Variants in ZNF521 observed in about 807,000 individuals in gnomAD.
ZNF521 encodes zinc finger protein 521.
ZNF521 carries 14 observed loss-of-function variants against 105.5 expected under a neutral mutation model. The ratio of observed to expected loss-of-function variants is 0.13; its 90% CI spans 0.09 to 0.21. The LOEUF (loss-of-function observed/expected upper bound fraction) is 0.21, where lower values mean the gene tolerates loss of function less well. Ranked by LOEUF, ZNF521 falls within the 10% of genes least tolerant of loss-of-function variation. ZNF521 has a pLI of 1.00. For missense variants in ZNF521, 1,233 were observed against 1,629.7 expected, an observed-to-expected ratio of 0.76 and a Z score of 4.19; for synonymous variants, 635 against 606.0, an observed-to-expected ratio of 1.05 and a Z score of -0.70.
intron 5 of ZNF521, among the ~76,000 whole-genome samples, chr18:25,111,544 T>G (rs1438244125): frequency 2.0e-5 from 3 of 152,234 alleles, no homozygotes; most frequent in African/African-American, 7.2e-5. Flanking sequence ...TTACCCTCTT[T>G]GCCAACTGCT....
intron 7 of ZNF521, among the ~76,000 whole-genome samples, chr18:25,071,987 G>GGGGCAGA (rs936580704): frequency 1.3e-5 from 2 of 152,312 alleles, no homozygotes; most frequent in South Asian, 2.1e-4. Flanking sequence ...CAGAAGGCAG[G>GGGGCAGA]GGGCAGAGGG....
chr18:25,281,446 G>T (rs998803905), intron 3 of ZNF521, among the ~76,000 whole-genome samples: 4 of 152,160 alleles, frequency 2.6e-5, no homozygotes, highest in African/African-American at 7.2e-5. Flanking sequence ...CAAGAAGTTT[G>T]TTCCATAGAA....
At chr18:25,178,567 C>T (rs2035573604) in intron 5 of ZNF521, among the ~76,000 whole-genome samples, 1 of 152,136 alleles carries the variant, frequency 6.6e-6, no homozygotes. Context: ...TTGCCTATTT[C>T]CCACCATTTC....
chr18:25,182,697 C>T lies in ZNF521; in HGVS notation c.3658+12463G>A, dbSNP rs186626277. Among the ~76,000 whole-genome samples, 25 of 152,192 alleles carry T rather than the reference C, an allele frequency of 1.6e-4. No individual in the cohort carries two copies. The East Asian group carries it at 4.6e-3, about 28-fold the overall frequency. ...CAAATAGCAAATAAGATCAGCAAGC[C>T]GTGTTTTACAGATGAGATGTGTCTC... On this transcript the variant is annotated intron_variant, in intron 5 of 7. Transcript: ENST00000361524.
Position 25,227,536 on chromosome 18 carries a change from T to A in ZNF521, c.382A>T (p.Ser128Cys). ...TGGTGCTTTAGGTAGCTGAGGCGGC[T>A]AAACGACTTGTCACAGAATTGACAC... ...YPCQFCDKSF[S>C]RLSYLKHHEQ... The change falls in exon 4 of 8, where the codon AGC (serine) becomes TGC (cysteine). Residue 128 changes from serine (S) to cysteine (C), a missense_variant. This residue lies in a region of ZNF521 where 85 missense variants were observed against 162.2 expected (regional missense o/e 0.52). Transcript: ENST00000361524. The surrounding 1 kb of genome is among the most constrained non-coding windows in gnomAD (Gnocchi z 5.7). 1 of 1,614,168 alleles carries A rather than the reference T, an allele frequency of 6.2e-7. No individual in the cohort carries two copies. The highest frequency in any genetic ancestry group is 1.1e-5 in the South Asian group (1 of 91,082).
chr18:25,197,550 C>A (rs1384388763), intron 4 of ZNF521, among the ~76,000 whole-genome samples: 1 of 151,822 alleles, frequency 6.6e-6, no homozygotes, highest in Non-Finnish European at 1.5e-5. Flanking sequence ...TGTACACCAT[C>A]TTTAAGTAAA....
intron 3 of ZNF521, among the ~76,000 whole-genome samples, chr18:25,308,758 T>A (rs910961183): frequency 4.6e-5 from 7 of 151,362 alleles, no homozygotes; most frequent in Non-Finnish European, 1.0e-4. Flanking sequence ...TCTTAGTAGA[T>A]GTTTATTGAA....
chr18:25,177,741 TG>T (rs1439552435), intron 5 of ZNF521, among the ~76,000 whole-genome samples: 1 of 152,324 alleles, frequency 6.6e-6, no homozygotes, highest in East Asian at 1.9e-4. Context: ...CAGCTCCAAT[TG>T]CAAGAACACT....
chr18:25,130,634 A>C (rs112745880), intron 5 of ZNF521, among the ~76,000 whole-genome samples: 27 of 152,200 alleles, frequency 1.8e-4, no homozygotes, highest in African/African-American at 5.3e-4. Flanking sequence ...CTGCTTTAAG[A>C]AAGTTTATTC....
Position 25,339,736 on chromosome 18 carries a change from G to A in ZNF521, c.40+11171C>T, listed in dbSNP as rs577028557. ...AGGGACACCAAACTGTTCTCAAAAG[G>A]CTTATAGAGAAACCAGGAAATGAAG... On this transcript the variant is annotated intron_variant, in intron 2 of 7. Transcript: ENST00000361524. Among the ~76,000 whole-genome samples, 83 of 152,270 alleles carry A rather than the reference G, an allele frequency of 5.5e-4. 1 individual carries two copies. The highest frequency in any genetic ancestry group is 3.4e-3 in the Middle Eastern group (1 of 294).
At chr18:25,349,646 G>A (rs1914623651) in intron 2 of ZNF521, among the ~76,000 whole-genome samples, 1 of 151,966 alleles carries the variant, frequency 6.6e-6, no homozygotes, top group East Asian at 2.0e-4. Flanking sequence ...CCTTTTCCCC[G>A]GGCCGGCGGC....
At chr18:25,067,592 A>G (rs1181229539) in intron 7 of ZNF521, among the ~76,000 whole-genome samples, 1 of 152,220 alleles carries the variant, frequency 6.6e-6, no homozygotes, top group Non-Finnish European at 1.5e-5. Flanking sequence ...TTAAGTAAAA[A>G]TAAAAATCCA....
chr18:25,089,460 A>G lies in ZNF521; in HGVS notation c.3906+5T>C. Reference sequence around the variant, plus strand: ...CAATCCCAGTCCTCCCCATGAGGACATTACCTGCAGCTCTGTTTGGAAGAA... The same window carrying G: ...CAATCCCAGTCCTCCCCATGAGGACGTTACCTGCAGCTCTGTTTGGAAGAA... On this transcript the variant is annotated splice_donor_5th_base_variant and intron_variant, in intron 7 of 7. Coordinates refer to ENST00000361524, the MANE Select transcript of ZNF521 (RefSeq NM_015461.3). 6.2e-7 allele frequency: 1 copy of G among 1,609,424 alleles called. No individual in the cohort carries two copies. Among genetic ancestry groups the G allele is most frequent in the Admixed American group, 1.7e-5 (1 of 60,010 alleles).
intron 2 of ZNF521, among the ~76,000 whole-genome samples, chr18:25,337,068 C>G (rs1417336017): frequency 6.6e-6 from 1 of 152,190 alleles, no homozygotes; most frequent in South Asian, 2.1e-4. Flanking sequence ...AGTTTAACAC[C>G]CATGTTCTTA....
At chr18:25,243,631 C>T (rs1907502174) in intron 3 of ZNF521, among the ~76,000 whole-genome samples, 1 of 152,180 alleles carries the variant, frequency 6.6e-6, no homozygotes, top group South Asian at 2.1e-4. Context: ...AAACTCATTT[C>T]CTCAGAAGAT....
intron 3 of ZNF521, among the ~76,000 whole-genome samples, chr18:25,237,210 T>G (rs543473418): frequency 1.3e-5 from 2 of 152,326 alleles, no homozygotes; most frequent in African/African-American, 4.8e-5. Context: ...TTATCCACAG[T>G]TGACTAAATG....
chr18:25,336,846 AC>A (rs1225174738), intron 2 of ZNF521, among the ~76,000 whole-genome samples: 2 of 152,164 alleles, frequency 1.3e-5, no homozygotes, highest in Non-Finnish European at 2.9e-5. Context: ...AAGTGAGAAA[AC>A]CTTTGAGAGT....
chr18:25,328,401 A>G (rs2145166725), intron 2 of ZNF521, among the ~76,000 whole-genome samples: 1 of 88,766 alleles, frequency 1.1e-5, no homozygotes, highest in African/African-American at 5.2e-5. Context: ...AGGGGAGGTT[A>G]AACACACACA....
intron 3 of ZNF521, among the ~76,000 whole-genome samples, chr18:25,236,795 T>C (rs528006734): frequency 3.8e-4 from 58 of 152,290 alleles, no homozygotes; most frequent in African/African-American, 1.3e-3. Context: ...TTTATAAAAG[T>C]ACTATATAAA....
Sources: gnomAD v4.1 joint callset for allele counts (sites outside exome capture counted in the v4.1 genomes callset) on GRCh38, gnomAD v4.1.1 for gene constraint, gnomAD v4.1.1 regional missense constraint, Gnocchi (gnomAD v3.1) non-coding constraint, MANE v1.5 for transcripts, NCBI Gene and HGNC (gene_info 2026-07-23, HGNC 2026-07-21) for gene names.